The following TPST1 variants were observed in gnomAD, a reference collection of about 807,000 sequenced individuals.
TPST1 encodes the protein tyrosylprotein sulfotransferase 1.
Under a neutral mutation model 34.8 loss-of-function variants are expected in TPST1, and 20 were observed. The observed-to-expected ratio is 0.57, with a 90% CI of 0.40 to 0.84. The LOEUF is 0.84. Among genes scored for constraint, TPST1 ranks in the 40% least tolerant of loss-of-function variants. TPST1 has a pLI of 0.00. For missense variants in TPST1, 353 were observed against 455.5 expected (o/e 0.78, Z 2.05); for synonymous variants, 152 against 159.4 (o/e 0.95, Z 0.35).
chr7:66,232,999 A>G (rs1003750905), intron 1 of TPST1, among the ~76,000 whole-genome samples: 2 of 152,098 alleles, frequency 1.3e-5, no homozygotes, highest in Non-Finnish European at 2.9e-5. Context: ...CCATTTGCAT[A>G]TATTCTTTGG....
chr7:66,229,173 C>T (rs1304083146), intron 1 of TPST1, among the ~76,000 whole-genome samples: 1 of 151,560 alleles, frequency 6.6e-6, no homozygotes, highest in Non-Finnish European at 1.5e-5. Flanking sequence ...TGCAGTGGCA[C>T]GATCTCGACT....
At chr7:66,304,726 T>C (rs1286530975) in intron 3 of TPST1, among the ~76,000 whole-genome samples, 1 of 152,264 alleles carries the variant, frequency 6.6e-6, no homozygotes, top group Non-Finnish European at 1.5e-5. Context: ...CTTTGTACAT[T>C]TCTGGCTGAT....
At chr7:66,198,927 C>T in the TPST1 span, among the ~76,000 whole-genome samples, 2 of 152,144 alleles carry the variant, frequency 1.3e-5, no homozygotes, top group Non-Finnish European at 2.9e-5. Context: ...AGGTGCTTCC[C>T]GCAGGCCATT....
chr7:66,328,717 G>A lies in TPST1; in HGVS notation c.1045-23788G>A, dbSNP rs919322601. 2.7e-5 allele frequency among the ~76,000 whole-genome samples: 4 copies of A among 150,438 alleles called. No individual in the cohort carries two copies. The East Asian group carries it at 7.8e-4, about 29-fold the overall frequency. ...ATGCCACAACGCCTGGCTAATTTTT[G>A]TATTTTTAGTAGAGACCAGGTTTCG... On this transcript the variant is annotated intron_variant, in intron 3 of 5. Transcript: ENST00000304842.
upstream of TPST1, among the ~76,000 whole-genome samples, chr7:66,200,544 C>T (rs1267338917): frequency 1.3e-5 from 2 of 151,224 alleles, no homozygotes; most frequent in African/African-American, 2.4e-5. Flanking sequence ...CTCAGCCTCC[C>T]GGGTAGCTGG....
chr7:66,204,070 T>TG (rs889493234), upstream of TPST1, among the ~76,000 whole-genome samples: 14 of 151,470 alleles, frequency 9.2e-5, no homozygotes, highest in Admixed American at 3.3e-4. Flanking sequence ...CTAGCTACTT[T>TG]GGAGGCGGAG....
intron 4 of TPST1, among the ~76,000 whole-genome samples, chr7:66,353,353 C>T (rs1409087921): frequency 6.6e-6 from 1 of 152,054 alleles, no homozygotes; most frequent in African/African-American, 2.4e-5. Context: ...CCTCTGGTCC[C>T]AGCTACTTGG....
chr7:66,218,014 C>T (rs964784381), intron 1 of TPST1, among the ~76,000 whole-genome samples: 1 of 151,992 alleles, frequency 6.6e-6, no homozygotes, highest in Non-Finnish European at 1.5e-5. Flanking sequence ...TGAGTAGCTG[C>T]GATTACAGGC....
chr7:66,249,755 T>TA (rs1790224363), intron 2 of TPST1, among the ~76,000 whole-genome samples: 1 of 152,190 alleles, frequency 6.6e-6, no homozygotes, highest in African/African-American at 2.4e-5. Flanking sequence ...TAGCTACAAT[T>TA]ATTGCCACAC....
intron 3 of TPST1, 126 bp downstream of exon 3, chr7:66,286,835 T>C: frequency 1.8e-6 from 1 of 565,972 alleles, no homozygotes; most frequent in Non-Finnish European, 2.5e-6. Context: ...TTTTTTTCAT[T>C]TATTTTTATT....
chr7:66,352,061 T>G (rs1201570560), intron 3 of TPST1, among the ~76,000 whole-genome samples: 6 of 152,158 alleles, frequency 3.9e-5, no homozygotes, highest in African/African-American at 1.4e-4. Context: ...GAATTCTGGG[T>G]AAATTGAGAA....
rs1790002538 is a variant in TPST1 at position 66,240,353 on chromosome 7, T to C, written c.-73T>C. 3 of 1,535,710 alleles carry C rather than the reference T, an allele frequency of 2.0e-6. No homozygotes were observed. Among genetic ancestry groups the C allele is most frequent in the South Asian group, 2.6e-5 (2 of 77,856 alleles). ...TTGGTTATCTTTCTGAAGTAGACTG[T>C]CCATGGCCTGAACATTTTCCGAAAA... On this transcript the variant is annotated 5_prime_UTR_variant, in exon 2 of 6. Transcript: ENST00000304842.
At chr7:66,347,142 A>G (rs1355725068) in intron 3 of TPST1, among the ~76,000 whole-genome samples, 1 of 131,050 alleles carries the variant, frequency 7.6e-6, no homozygotes, top group Non-Finnish European at 1.5e-5. Flanking sequence ...ATCACAACTC[A>G]TTGCAACCTC....
Position 66,240,462 on chromosome 7 carries a change from T to G in TPST1, c.37T>G (p.Cys13Gly). The G allele has an allele frequency of 6.2e-7, 1 of 1,614,164 alleles. No homozygotes were observed. Among genetic ancestry groups the G allele is most frequent in the Non-Finnish European group, 8.5e-7 (1 of 1,180,012 alleles). Residue 13 changes from cysteine to glycine, a missense_variant, in exon 2 of 6, where the codon TGT becomes GGT. Cys to Gly is a radical substitution (Grantham distance 159). Transcript: ENST00000304842. ...GCTGAAGCAGAACTTACTATTGGCATGTCTGGTGATTAGTTCTGTGACTGT... is the reference window on the plus strand; with the variant it reads ...GCTGAAGCAGAACTTACTATTGGCAGGTCTGGTGATTAGTTCTGTGACTGT... ...GKLKQNLLLA[C>G]LVISSVTVFY...
At chr7:66,345,679 G>T (rs926483814) in intron 3 of TPST1, among the ~76,000 whole-genome samples, 8 of 151,734 alleles carry the variant, frequency 5.3e-5, no homozygotes, top group African/African-American at 1.9e-4. Flanking sequence ...TTTTAATTAT[G>T]TTTTTCATTT....
At chr7:66,347,026 T>C (rs1792365259) in intron 3 of TPST1, among the ~76,000 whole-genome samples, 1 of 150,854 alleles carries the variant, frequency 6.6e-6, no homozygotes, top group South Asian at 2.1e-4. Context: ...AGGGGTCTAG[T>C]TTCTTTCTTT....
At chr7:66,199,646 C>A in the TPST1 span, among the ~76,000 whole-genome samples, 2 of 151,860 alleles carry the variant, frequency 1.3e-5, no homozygotes, top group Non-Finnish European at 2.9e-5. Context: ...CCCACCTCTG[C>A]CACCATCTTC....
intron 3 of TPST1, among the ~76,000 whole-genome samples, chr7:66,294,836 T>A (rs2115985184): frequency 6.6e-6 from 1 of 152,304 alleles, no homozygotes; most frequent in East Asian, 1.9e-4. Context: ...CTTACCTTTA[T>A]ATACACAGTT....
intron 1 of TPST1, among the ~76,000 whole-genome samples, chr7:66,211,951 C>G (rs1439993148): frequency 1.3e-5 from 2 of 152,072 alleles, no homozygotes; most frequent in African/African-American, 4.8e-5. Flanking sequence ...GGCGACAGAG[C>G]AAGACTCTGC....
Sources: allele counts gnomAD v4.1 joint callset (sites outside exome capture counted in the v4.1 genomes callset), GRCh38; gene constraint gnomAD v4.1.1; transcripts MANE v1.5; gene names NCBI Gene and HGNC (gene_info 2026-07-23, HGNC 2026-07-21).